Variants in MYT1 observed in about 807,000 individuals in gnomAD.
MYT1 encodes the protein myelin transcription factor 1.
A neutral mutation model predicts 123.0 loss-of-function variants in MYT1; 23 were observed. The observed-to-expected ratio is 0.19, with a 90% confidence interval of 0.13 to 0.26. The LOEUF is 0.26. MYT1 is among the 10% of genes least tolerant of loss of function. The pLI is 1.00. For missense variants in MYT1, 1,125 were observed against 1,472.5 expected (o/e 0.76, Z 3.86); for synonymous variants, 518 against 575.3 (o/e 0.90, Z 1.43).
intron 5 of MYT1, 122 bp from the exon 6 acceptor site, chr20:64,205,431 A>G (rs1160040623): frequency 6.9e-7 from 1 of 1,445,570 alleles, no homozygotes; most frequent in Admixed American, 2.2e-5. Context: ...GGTTCCCTGC[A>G]AGGACTGGAT....
Position 64,203,404 on chromosome 20 carries a change from A to C in MYT1, c.87-1631A>C, listed in dbSNP as rs1456898639. On this transcript the variant is annotated intron_variant, in intron 4 of 22. Transcript: ENST00000328439. The surrounding 1 kb of genome is among the most constrained non-coding windows in gnomAD (Gnocchi z 5.1). Reference sequence around the variant, plus strand: ...AGCAAGTGTGGGCCTGGATTTTAGAAGAGACTAGAGGCAGGGAGAGGTGGG... The same window carrying C: ...AGCAAGTGTGGGCCTGGATTTTAGACGAGACTAGAGGCAGGGAGAGGTGGG... Among the ~76,000 whole-genome samples the C allele has an allele frequency of 6.6e-6, 1 of 152,206 alleles. No individual in the cohort carries two copies. Among genetic ancestry groups the C allele is most frequent in the Non-Finnish European group, 1.5e-5 (1 of 68,022 alleles).
chr20:64,228,154 C>G, intron 18 of MYT1, 183 bp downstream of exon 18: 1 of 621,016 alleles, frequency 1.6e-6, no homozygotes, highest in East Asian at 2.8e-5. Context: ...ACGTTGATAC[C>G]TGTGAAGATA....
intron 6 of MYT1, among the ~76,000 whole-genome samples, chr20:64,207,014 G>A (rs1237926126): frequency 1.3e-5 from 2 of 152,122 alleles, no homozygotes; most frequent in Non-Finnish European, 2.9e-5. Flanking sequence ...TCAAGGAATA[G>A]CTGGGACTAC....
In MYT1 at chr20:64,186,700, C is replaced by G. The variant is rs1982811354; in HGVS notation, c.-98-3363C>G. 6.6e-6 allele frequency among the ~76,000 whole-genome samples: 1 copy of G among 152,282 alleles called. No individual in the cohort carries two copies. The highest frequency in any genetic ancestry group is 6.5e-5 in the Admixed American group (1 of 15,294). ...CCACCACAGAGTGTCCATGGAGCAG[C>G]ATGACTTCTGGAAGGGCGTCTTTAT... On this transcript the variant is annotated intron_variant, in intron 1 of 22. Coordinates refer to ENST00000328439, the MANE Select transcript of MYT1 (RefSeq NM_004535.3). The surrounding 1 kb of genome is among the most constrained non-coding windows in gnomAD (Gnocchi z 4.3).
At position 64,213,517 on chromosome 20, in the gene MYT1, C is replaced by T. The variant is rs376478478; in HGVS notation, c.1518-17C>T. On this transcript the variant is annotated splice_polypyrimidine_tract_variant and intron_variant, in intron 9 of 22. Transcript: ENST00000328439. This position sits in a 1 kb window ranked among gnomAD's most constrained non-coding sequence, Gnocchi z 5.6. ...TGGAGGGGAAGGCTCAGAAACCCCT[C>T]CTCTTCCTTCCTCTAGTTTGTCTGG... 1 of 1,606,990 alleles carries T rather than the reference C, an allele frequency of 6.2e-7. No individual in the cohort carries two copies. The highest frequency in any genetic ancestry group is 8.5e-7 in the Non-Finnish European group (1 of 1,173,926).
intron 10 of MYT1, among the ~76,000 whole-genome samples, chr20:64,216,296 G>A (rs1265188160): frequency 6.6e-6 from 1 of 152,218 alleles, no homozygotes; most frequent in Non-Finnish European, 1.5e-5. Context: ...AAGCTCCTCT[G>A]TGCCTGTGTG....
intron 3 of MYT1, 125 bp downstream of exon 3, chr20:64,199,041 C>A: frequency 1.1e-6 from 1 of 935,724 alleles, no homozygotes; most frequent in African/African-American, 1.6e-5. Flanking sequence ...CCTCTTCAGC[C>A]TCATTCATCC....
In MYT1 at chr20:64,167,304, C is replaced by T. The variant is rs904446042; in HGVS notation, c.-99+2565C>T. 1.4e-4 allele frequency among the ~76,000 whole-genome samples: 21 copies of T among 152,258 alleles called. No homozygotes were observed. The highest frequency in any genetic ancestry group is 3.4e-3 in the Middle Eastern group (1 of 294). On this transcript the variant is annotated intron_variant, in intron 1 of 22. Transcript: ENST00000328439. This position sits in a 1 kb window ranked among gnomAD's most constrained non-coding sequence, Gnocchi z 6.3. ...TGGTGGGGGCTGAGCTCTTCCTGGA[C>T]GGACTCAGTGCAAAAGGTGCGTCTA...
chr20:64,228,894 G>T (rs1415395192), intron 18 of MYT1, among the ~76,000 whole-genome samples: 1 of 152,216 alleles, frequency 6.6e-6, no homozygotes, highest in Non-Finnish European at 1.5e-5. Flanking sequence ...GTCGGGACGG[G>T]GCCCTACTAT....
chr20:64,210,357 ATGC>A, intron 7 of MYT1, among the ~76,000 whole-genome samples: 1 of 152,360 alleles, frequency 6.6e-6, no homozygotes, highest in East Asian at 1.9e-4. Flanking sequence ...TGGGGCACAG[ATGC>A]TGCGAGAATT....
rs893222767 is a variant in MYT1, at chr20:64,208,557, G to T, written c.1291+70G>T. ...CCCTGCCCCAGGTGTGCAGATGCAG[G>T]CTGAGAGCCCTTCTAGGACAGGGGG... On this transcript the variant is annotated intron_variant, in intron 7 of 22. Transcript: ENST00000328439. This position sits in a 1 kb window ranked among gnomAD's most constrained non-coding sequence, Gnocchi z 5.4. The T allele has an allele frequency of 6.0e-6, 9 of 1,506,804 alleles. No homozygotes were observed. The highest frequency in any genetic ancestry group is 8.0e-6 in the Non-Finnish European group (9 of 1,129,490). 93.3% of individuals were successfully genotyped at this position (1,506,804 alleles called of 1,614,324 possible).
chr20:64,221,711 G>T (rs562043651), intron 13 of MYT1, among the ~76,000 whole-genome samples, 182 bp from the exon 14 acceptor site: 30 of 152,166 alleles, frequency 2.0e-4, no homozygotes, highest in Non-Finnish European at 3.4e-4. Flanking sequence ...CCCCTCAGGG[G>T]TGTTGTCTTC....
rs1353647145 is a variant in MYT1, at chr20:64,207,510, G to C, written c.398-84G>C. On this transcript the variant is annotated intron_variant, in intron 6 of 22. Transcript: ENST00000328439. ...AAGAGTGAGTGGTAGGTCAGGTGGA[G>C]GGGTGGTGGGTGTGTTGGGGACTGG... 1.9e-6 allele frequency: 3 copies of C among 1,539,622 alleles called. No individual in the cohort carries two copies. In the African/African-American group the frequency reaches 4.1e-5, roughly 21 times the overall value.
In MYT1 at chr20:64,212,415, C is replaced by G. The variant is rs1469836001; in HGVS notation, c.1517+277C>G. 1.3e-5 allele frequency among the ~76,000 whole-genome samples: 2 copies of G among 152,176 alleles called. No individual in the cohort carries two copies. Among genetic ancestry groups the G allele is most frequent in the African/African-American group, 4.8e-5 (2 of 41,452 alleles). ...CCGCCCTGAGGAGTGGGTACAAGGT[C>G]AGGGCACACCTGGGCGGTGAGGGGC... On this transcript the variant is annotated intron_variant, in intron 9 of 22. Coordinates refer to ENST00000328439, the MANE Select transcript of MYT1 (RefSeq NM_004535.3). The surrounding 1 kb of genome is among the most constrained non-coding windows in gnomAD (Gnocchi z 6.8).
chr20:64,233,446 CCTTCCCT>C (rs2145733650), intron 19 of MYT1, among the ~76,000 whole-genome samples: 1 of 3,698 alleles, frequency 2.7e-4, no homozygotes, highest in African/African-American at 1.4e-3. Flanking sequence ...CTCACCTTCC[CCTTCCCT>C]TCCCCCACCT....
intron 14 of MYT1, among the ~76,000 whole-genome samples, chr20:64,222,438 C>T (rs1984036291): frequency 6.6e-6 from 1 of 152,262 alleles, no homozygotes; most frequent in African/African-American, 2.4e-5. Flanking sequence ...GCTCCATGGC[C>T]AAGGCCTGGA....
chr20:64,211,965 C>T lies in MYT1; in HGVS notation c.1427-83C>T, dbSNP rs550016126. The T allele has an allele frequency of 3.7e-5, 44 of 1,189,266 alleles. No homozygotes were observed. The African/African-American group carries it at 6.4e-4, about 17-fold the overall frequency. The allele number at this position is 1,189,266 out of a possible 1,614,324, so 73.7% of individuals were successfully genotyped here. On this transcript the variant is annotated intron_variant, in intron 8 of 22. Coordinates refer to ENST00000328439, the MANE Select transcript of MYT1 (RefSeq NM_004535.3). ...CCTTTGGACAAGGCTCCTGCACCCT[C>T]CTCAGCCTGTGCTCCCCACACAGCT...
At chr20:64,171,527 A>C (rs1354401197) in intron 1 of MYT1, among the ~76,000 whole-genome samples, 1 of 152,194 alleles carries the variant, frequency 6.6e-6, no homozygotes, top group African/African-American at 2.4e-5. Flanking sequence ...CTGCTGCTGG[A>C]TGTGGAGCTC....
intron 1 of MYT1, among the ~76,000 whole-genome samples, chr20:64,172,660 C>T (rs1057062233): frequency 8.6e-5 from 13 of 151,844 alleles, no homozygotes; most frequent in African/African-American, 2.4e-4. Context: ...CCCGCGAAGC[C>T]GACGTGTCTT....
Sources: gnomAD v4.1 joint callset for allele counts (sites outside exome capture counted in the v4.1 genomes callset) on GRCh38, gnomAD v4.1.1 for gene constraint, Gnocchi (gnomAD v3.1) non-coding constraint, MANE v1.5 for transcripts, NCBI Gene and HGNC (gene_info 2026-07-23, HGNC 2026-07-21) for gene names.